PLEKHA5: variants seen among roughly 807,000 people sequenced by gnomAD.
The protein encoded by PLEKHA5 is pleckstrin homology domain-containing family A member 5.
Under a neutral mutation model 181.9 loss-of-function variants are expected in PLEKHA5, and 55 were observed. The ratio of observed to expected loss-of-function variants is 0.30; its 90% confidence interval spans 0.24 to 0.38. PLEKHA5 has a LOEUF of 0.38. PLEKHA5 is among the 10% of genes least tolerant of loss of function. PLEKHA5 has a pLI of 1.00. For missense variants in PLEKHA5, 1,432 were observed against 1,549.5 expected, an observed-to-expected ratio of 0.92 and a Z score of 1.27; for synonymous variants, 535 against 529.4, an observed-to-expected ratio of 1.01 and a Z score of -0.15.
chr12:19,192,130 GTATTTT>G (rs2051291109), intron 3 of PLEKHA5, among the ~76,000 whole-genome samples: 1 of 152,010 alleles, frequency 6.6e-6, no homozygotes, highest in South Asian at 2.1e-4. Flanking sequence ...AAAAATTTTA[GTATTTT>G]TATTTTTAAT....
chr12:19,333,610 CTT>C (rs372554935), intron 20 of PLEKHA5, among the ~76,000 whole-genome samples: 3 of 129,060 alleles, frequency 2.3e-5, no homozygotes, highest in Non-Finnish European at 3.2e-5. Flanking sequence ...CATTCATTCT[CTT>C]TTTTTTTTTT....
At chr12:19,312,200 C>CT (rs1238289421) in intron 15 of PLEKHA5, among the ~76,000 whole-genome samples, 1 of 152,150 alleles carries the variant, frequency 6.6e-6, no homozygotes, top group Non-Finnish European at 1.5e-5. Context: ...GGCTTTGTTC[C>CT]TTTTTTGGAG....
At position 19,253,922 on chromosome 12, in the gene PLEKHA5, CTTTTTTCCT is replaced by C; in HGVS notation, c.228-12_228-4del. 1 of 1,466,076 alleles carries C rather than the reference CTTTTTTCCT, an allele frequency of 6.8e-7. No individual in the cohort carries two copies. The highest frequency in any genetic ancestry group is 9.5e-7 in the Non-Finnish European group (1 of 1,053,488). The allele number at this position is 1,466,076 out of a possible 1,614,324, so 90.8% of individuals were successfully genotyped here. ...TTAAATACCTGCATGTTCTGTTTTTCTTTTTTCCTTTTTTCAGCCATAATGAAAGGAAAG... is the reference window on the plus strand; with the variant it reads ...TTAAATACCTGCATGTTCTGTTTTTCTTTTTCAGCCATAATGAAAGGAAAG... On this transcript the variant is annotated splice_polypyrimidine_tract_variant and intron_variant, in intron 3 of 31. Transcript: ENST00000429027.
chr12:19,184,328 C>A (rs1433026697), intron 3 of PLEKHA5, among the ~76,000 whole-genome samples: 1 of 152,140 alleles, frequency 6.6e-6, no homozygotes, highest in South Asian at 2.1e-4. Flanking sequence ...GGTTTTATGG[C>A]TGACAGATCT....
chr12:19,335,502 G>A (rs1269934873), intron 20 of PLEKHA5, among the ~76,000 whole-genome samples: 1 of 148,562 alleles, frequency 6.7e-6, no homozygotes, highest in African/African-American at 2.5e-5. Flanking sequence ...TGCAACCTCC[G>A]CCTCCCAGGT....
chr12:19,338,080 C>T (rs1053240190), intron 21 of PLEKHA5, among the ~76,000 whole-genome samples: 2 of 151,924 alleles, frequency 1.3e-5, no homozygotes, highest in African/African-American at 4.8e-5. Context: ...AATTCAGCTG[C>T]CCTCTATCTG....
At chr12:19,270,705 G>A (rs556851816) in intron 10 of PLEKHA5, among the ~76,000 whole-genome samples, 4 of 152,144 alleles carry the variant, frequency 2.6e-5, no homozygotes, top group South Asian at 2.1e-4. Context: ...CCTGTAATTC[G>A]AAGAAAAAAT....
At chr12:19,205,159 A>G (rs557806779) in intron 3 of PLEKHA5, 1 of 152,336 alleles carries the variant, frequency 6.6e-6, no homozygotes, top group Non-Finnish European at 1.5e-5. Context: ...TTGTCAGTTA[A>G]TGATCTTTAT....
chr12:19,155,939 TAG>T (rs2041581375), intron 3 of PLEKHA5, among the ~76,000 whole-genome samples: 2 of 152,226 alleles, frequency 1.3e-5, no homozygotes, highest in Non-Finnish European at 2.9e-5. Flanking sequence ...ATACGTTGAG[TAG>T]CCCCTTTCTC....
At chr12:19,322,943 T>A (rs1033108299) in intron 20 of PLEKHA5, among the ~76,000 whole-genome samples, 46 of 151,494 alleles carry the variant, frequency 3.0e-4, no homozygotes, top group African/African-American at 1.1e-3. Flanking sequence ...AGCCTGAATC[T>A]CTTGGACTCA....
At chr12:19,307,821 C>T (rs1049058188) in intron 15 of PLEKHA5, among the ~76,000 whole-genome samples, 4 of 150,814 alleles carry the variant, frequency 2.7e-5, no homozygotes, top group Non-Finnish European at 5.9e-5. Context: ...TATAGAAGTA[C>T]AAACAGAGAG....
At chr12:19,267,599 G>A (rs1001152039) in intron 8 of PLEKHA5, among the ~76,000 whole-genome samples, 88 of 152,122 alleles carry the variant, frequency 5.8e-4, no homozygotes, top group African/African-American at 2.0e-3. Flanking sequence ...GGCGGAGGTT[G>A]CAGTAAGCCG....
At chr12:19,279,607 C>T (rs765977517) in intron 11 of PLEKHA5, among the ~76,000 whole-genome samples, 3 of 150,746 alleles carry the variant, frequency 2.0e-5, no homozygotes, top group African/African-American at 7.3e-5. Flanking sequence ...GTCCAGTGAG[C>T]GGAGATCATG....
At chr12:19,299,667 A>G (rs2080911340) in intron 15 of PLEKHA5, among the ~76,000 whole-genome samples, 2 of 152,148 alleles carry the variant, frequency 1.3e-5, no homozygotes, top group Non-Finnish European at 2.9e-5. Flanking sequence ...TGAACCTTTA[A>G]GGGTTGTTAG....
chr12:19,316,097 T>G (rs2088566359), intron 16 of PLEKHA5, among the ~76,000 whole-genome samples: 1 of 152,082 alleles, frequency 6.6e-6, no homozygotes, highest in Non-Finnish European at 1.5e-5. Flanking sequence ...GTATTTGGAA[T>G]AAGTATTATT....
intron 3 of PLEKHA5, among the ~76,000 whole-genome samples, chr12:19,195,117 C>G (rs1222939408): frequency 6.6e-6 from 1 of 151,972 alleles, no homozygotes; most frequent in African/African-American, 2.4e-5. Context: ...TAAACGAAAC[C>G]TCTGAACCTT....
chr12:19,254,907 TTAAGGCC>T (rs1159020211), intron 4 of PLEKHA5, 131 bp from the exon 5 acceptor site: 3 of 620,746 alleles, frequency 4.8e-6, no homozygotes, highest in Non-Finnish European at 8.0e-6. Context: ...GTTGTAAGTA[TTAAGGCC>T]TGACTCTAGA....
intron 21 of PLEKHA5, among the ~76,000 whole-genome samples, chr12:19,338,705 T>C (rs2093645945): frequency 6.6e-6 from 1 of 151,736 alleles, no homozygotes; most frequent in African/African-American, 2.4e-5. Flanking sequence ...ACTTCTGTAT[T>C]GGACACTGAA....
intron 16 of PLEKHA5, among the ~76,000 whole-genome samples, chr12:19,317,662 A>C (rs752388362): frequency 1.3e-5 from 2 of 152,002 alleles, no homozygotes; most frequent in Non-Finnish European, 2.9e-5. Context: ...ATTGAAGTTG[A>C]ATTTTAATTA....
Sources: gnomAD v4.1 joint callset for allele counts (sites outside exome capture counted in the v4.1 genomes callset) on GRCh38, gnomAD v4.1.1 for gene constraint, MANE v1.5 for transcripts, NCBI Gene and HGNC (gene_info 2026-07-23, HGNC 2026-07-21) for gene names.